SLC44A5: variants seen among roughly 807,000 people sequenced by gnomAD.
The protein encoded by SLC44A5 is choline transporter-like protein 5.
A neutral mutation model predicts 101.8 loss-of-function variants in SLC44A5; 57 were observed. The observed-to-expected ratio is 0.56, with a 90% CI of 0.45 to 0.70. The LOEUF is 0.70. Ranked by LOEUF, SLC44A5 falls within the 30% of genes least tolerant of loss-of-function variation. The probability of loss-of-function intolerance (pLI) is 0.00; values close to 1 mark genes in which losing one functional copy is unlikely to be tolerated. For missense variants in SLC44A5, 737 were observed against 853.1 expected (o/e 0.86, Z 1.70); for synonymous variants, 281 against 290.9 (o/e 0.97, Z 0.35).
intron 3 of SLC44A5, among the ~76,000 whole-genome samples, chr1:75,368,208 A>G (rs1169606809): frequency 2.0e-5 from 3 of 152,200 alleles, no homozygotes; most frequent in Non-Finnish European, 4.4e-5. Flanking sequence ...ATTTTACAAG[A>G]TGATCTGATC....
the SLC44A5 span, among the ~76,000 whole-genome samples, chr1:75,670,784 T>A: frequency 6.6e-6 from 1 of 152,220 alleles, no homozygotes; most frequent in Non-Finnish European, 1.5e-5. Context: ...CTTGTGACTA[T>A]ACTTTGAAAT....
chr1:75,510,823 T>C (rs1669524092), intron 2 of SLC44A5, among the ~76,000 whole-genome samples: 1 of 152,124 alleles, frequency 6.6e-6, no homozygotes, highest in Non-Finnish European at 1.5e-5. Flanking sequence ...CCAATTCTGA[T>C]CAACAACAAC....
intron 2 of SLC44A5, among the ~76,000 whole-genome samples, chr1:75,532,467 C>T (rs1426309552): frequency 2.0e-5 from 3 of 152,158 alleles, no homozygotes; most frequent in Non-Finnish European, 4.4e-5. Flanking sequence ...TGCTTCAGAT[C>T]ATAACACAGT....
chr1:75,482,587 TAGA>T (rs1192289494), intron 2 of SLC44A5, among the ~76,000 whole-genome samples: 2 of 152,120 alleles, frequency 1.3e-5, no homozygotes. Flanking sequence ...GTCTGAAAAA[TAGA>T]AGTTTAGATT....
intron 1 of SLC44A5, among the ~76,000 whole-genome samples, chr1:75,564,525 A>C (rs949596924): frequency 5.3e-5 from 8 of 151,898 alleles, no homozygotes; most frequent in Non-Finnish European, 4.4e-5. Context: ...CTGGCTCTTT[A>C]CCTGAGAAGT....
At chr1:75,517,329 A>G (rs1269804096) in intron 2 of SLC44A5, among the ~76,000 whole-genome samples, 2 of 152,098 alleles carry the variant, frequency 1.3e-5, no homozygotes, top group Non-Finnish European at 2.9e-5. Flanking sequence ...GAGAGAGAGA[A>G]AGAGAGGCAG....
the SLC44A5 span, among the ~76,000 whole-genome samples, chr1:75,678,163 A>G: frequency 4.6e-5 from 7 of 152,168 alleles, no homozygotes; most frequent in Non-Finnish European, 1.0e-4. Context: ...ATCAAACTGC[A>G]AGGCTGAAGC....
At chr1:75,375,358 G>T (rs1300646530) in intron 3 of SLC44A5, among the ~76,000 whole-genome samples, 1 of 152,204 alleles carries the variant, frequency 6.6e-6, no homozygotes, top group Non-Finnish European at 1.5e-5. Flanking sequence ...CTATACGTGT[G>T]ACTCACTGGC....
At chr1:75,507,095 G>T (rs1669303340) in intron 2 of SLC44A5, among the ~76,000 whole-genome samples, 1 of 151,594 alleles carries the variant, frequency 6.6e-6, no homozygotes, top group Admixed American at 6.6e-5. Context: ...TAGAGATGGG[G>T]TTTTACCATG....
chr1:75,679,315 T>C, the SLC44A5 span, among the ~76,000 whole-genome samples: 1 of 152,114 alleles, frequency 6.6e-6, no homozygotes, highest in Non-Finnish European at 1.5e-5. Flanking sequence ...AATTGTCAGA[T>C]TCACCAAAGT....
chr1:75,259,235 C>G (rs1650282272), intron 6 of SLC44A5, among the ~76,000 whole-genome samples: 1 of 152,098 alleles, frequency 6.6e-6, no homozygotes, highest in Non-Finnish European at 1.5e-5. Context: ...CTCCTCTGAG[C>G]TAAAGGAGCA....
intron 2 of SLC44A5, among the ~76,000 whole-genome samples, chr1:75,414,334 C>T (rs1192646526): frequency 6.7e-6 from 1 of 150,298 alleles, no homozygotes; most frequent in Non-Finnish European, 1.5e-5. Flanking sequence ...TACACACACA[C>T]ACACACACAC....
At chr1:75,624,366 T>C in the SLC44A5 span, among the ~76,000 whole-genome samples, 30 of 152,284 alleles carry the variant, frequency 2.0e-4, no homozygotes, top group African/African-American at 6.5e-4. Flanking sequence ...AATCAACAGA[T>C]GCCAGAATCA....
intron 2 of SLC44A5, among the ~76,000 whole-genome samples, chr1:75,471,747 T>C (rs1667123815): frequency 6.6e-6 from 1 of 151,988 alleles, no homozygotes; most frequent in African/African-American, 2.4e-5. Context: ...CTCTAAACCC[T>C]TTGTGTAGTT....
At chr1:75,423,419 G>C (rs1467372483) in intron 2 of SLC44A5, among the ~76,000 whole-genome samples, 1 of 152,136 alleles carries the variant, frequency 6.6e-6, no homozygotes, top group African/African-American at 2.4e-5. Context: ...CAAGAAAGCT[G>C]ATATCTTTAA....
At chr1:75,550,124 CA>C (rs1671860188) in intron 1 of SLC44A5, among the ~76,000 whole-genome samples, 1 of 151,970 alleles carries the variant, frequency 6.6e-6, no homozygotes, top group Non-Finnish European at 1.5e-5. Context: ...ATGTTCATAG[CA>C]ACATTTTTCA....
intron 1 of SLC44A5, among the ~76,000 whole-genome samples, chr1:75,562,957 C>G (rs1672603614): frequency 6.6e-6 from 1 of 152,092 alleles, no homozygotes; most frequent in Admixed American, 6.6e-5. Flanking sequence ...TATTACACTT[C>G]AAAAGTTTTG....
the SLC44A5 span, among the ~76,000 whole-genome samples, chr1:75,661,515 C>T: frequency 6.7e-6 from 1 of 149,494 alleles, no homozygotes; most frequent in Non-Finnish European, 1.5e-5. Flanking sequence ...AATGGGATCA[C>T]ATCTACCTAA....
chr1:75,417,826 G>A (rs1436667201), intron 2 of SLC44A5, among the ~76,000 whole-genome samples: 1 of 152,242 alleles, frequency 6.6e-6, no homozygotes, highest in East Asian at 1.9e-4. Flanking sequence ...GAAAAGGATG[G>A]GAGGAAGGTT....
Sources: gnomAD v4.1 joint callset for allele counts (sites outside exome capture counted in the v4.1 genomes callset) on GRCh38, gnomAD v4.1.1 for gene constraint, MANE v1.5 for transcripts, NCBI Gene and HGNC (gene_info 2026-07-23, HGNC 2026-07-21) for gene names.